ZNF19: variants seen among roughly 807,000 people sequenced by gnomAD.
ZNF19 encodes the protein zinc finger protein 19 (KOX 12).
In ZNF19, 11 loss-of-function variants were observed where a neutral mutation model predicts 13.1. That is an observed-to-expected ratio of 0.84 (90% CI 0.53 to 1.39). The LOEUF is 1.39. Ranked by LOEUF, ZNF19 falls within the 40% of genes most tolerant of loss-of-function variation. ZNF19 has a pLI of 0.00. For missense variants in ZNF19, 560 were observed against 547.0 expected (o/e 1.02, Z -0.24); for synonymous variants, 186 against 187.0 (o/e 0.99, Z 0.04).
Position 71,476,069 on chromosome 16 carries a change from G to C in ZNF19, c.478C>G (p.Pro160Ala). Residue 160 changes from proline to alanine, a missense_variant, in exon 6 of 6, where the codon CCT (proline) becomes GCT (alanine). Transcript: ENST00000288177. ...KVPRIPCARK[P>A]FICEECGKSF... ...TTCCCACACTCCTCACATATGAAAG[G>C]TTTCCTTGCACAGGGGATTCTTGGA... 6.2e-7 allele frequency: 1 copy of C among 1,614,150 alleles called. No individual in the cohort carries two copies. Among genetic ancestry groups the C allele is most frequent in the South Asian group, 1.1e-5 (1 of 91,068 alleles).
At chr16:71,477,000 G>C (rs768767963) in intron 5 of ZNF19, among the ~76,000 whole-genome samples, 1 of 152,208 alleles carries the variant, frequency 6.6e-6, no homozygotes, top group Non-Finnish European at 1.5e-5. Flanking sequence ...CCCAGACTGA[G>C]AGTATTCTTT....
chr16:71,475,641 C>T lies in ZNF19; in HGVS notation c.906G>A (p.Glu302=), dbSNP rs1164559200. 1 of 1,614,170 alleles carries T rather than the reference C, an allele frequency of 6.2e-7. No individual in the cohort carries two copies. The change falls in exon 6 of 6, where the codon GAG becomes GAA. Residue 302 remains glutamate (E), a synonymous_variant. Coordinates refer to ENST00000288177, the MANE Select transcript of ZNF19 (RefSeq NM_006961.4). The part of the protein sequence containing the change: ...QKIHTGEKPY[E]CNECGKSFGR... The stretch of plus-strand genomic sequence containing the variant: ...CAAAGCTTTTGCCACACTCATTACA[C>T]TCATAGGGTTTCTCTCCAGTGTGGA...
At position 71,475,536 on chromosome 16, in the gene ZNF19, G is replaced by C. The variant is rs758531302; in HGVS notation, c.1011C>G (p.Ala337=). The change falls in exon 6 of 6, where the codon GCC becomes GCG. Residue 337 remains alanine, a synonymous_variant. Coordinates refer to ENST00000288177, the MANE Select transcript of ZNF19 (RefSeq NM_006961.4). ...KPYSCKVCGQ[A]FNFHTKLTRH... is the part of the protein sequence containing the mutation. ...GAGTTAGTTTTGTATGAAAATTGAAGGCTTGTCCACATACTTTACAAGAAT... is the reference window on the plus strand; with the variant it reads ...GAGTTAGTTTTGTATGAAAATTGAACGCTTGTCCACATACTTTACAAGAAT... 9 of 1,614,158 alleles carry C rather than the reference G, an allele frequency of 5.6e-6. No homozygotes were observed. Among genetic ancestry groups the C allele is most frequent in the Non-Finnish European group, 7.6e-6 (9 of 1,180,018 alleles).
At chr16:71,487,121 C>T (rs1253052736) in intron 1 of ZNF19, 1 of 152,096 alleles carries the variant, frequency 6.6e-6, no homozygotes, top group African/African-American at 2.4e-5. Flanking sequence ...GAAATGTATA[C>T]TTGATATGTT....
At chr16:71,484,091 A>T (rs1176502769) in intron 2 of ZNF19, among the ~76,000 whole-genome samples, 2 of 152,256 alleles carry the variant, frequency 1.3e-5, no homozygotes, top group African/African-American at 4.8e-5. Context: ...GGACAAAGCC[A>T]CACTTTGTGC....
chr16:71,478,026 G>T, intron 5 of ZNF19: 1 of 532,484 alleles, frequency 1.9e-6, no homozygotes, highest in Non-Finnish European at 3.4e-6. Flanking sequence ...ACTCAGAAAG[G>T]AACAATGGAT....
At chr16:71,483,869 C>T (rs2043655161) in intron 2 of ZNF19, among the ~76,000 whole-genome samples, 1 of 152,212 alleles carries the variant, frequency 6.6e-6, no homozygotes, top group African/African-American at 2.4e-5. Flanking sequence ...AAGATTCTCT[C>T]AAATAACTTT....
Position 71,474,510 on chromosome 16 carries a change from T to G in ZNF19, c.*660A>C, listed in dbSNP as rs1260237279. The G allele has an allele frequency of 6.6e-6, 1 of 152,282 alleles. No individual in the cohort carries two copies. Among genetic ancestry groups the G allele is most frequent in the Non-Finnish European group, 1.5e-5 (1 of 68,070 alleles). 9.4% of individuals were successfully genotyped at this position (152,282 alleles called of 1,614,324 possible). On this transcript the variant is annotated 3_prime_UTR_variant, in exon 6 of 6. Transcript: ENST00000288177. ...AGCTCAAGTTGTTAGAACTTCTATC[T>G]ACTAGTGGTGTCTGATATAACCTGG...
chr16:71,486,159 A>G (rs2043676436), intron 1 of ZNF19, among the ~76,000 whole-genome samples: 1 of 150,240 alleles, frequency 6.7e-6, no homozygotes, highest in Non-Finnish European at 1.5e-5. Flanking sequence ...CCTGGGCAAC[A>G]TGACAAAACC....
chr16:71,478,632 T>A, intron 4 of ZNF19: 1 of 638,894 alleles, frequency 1.6e-6, no homozygotes, highest in Non-Finnish European at 2.8e-6. Flanking sequence ...CAGAGCCTCT[T>A]GGAAGATGGA....
chr16:71,483,117 T>C (rs1300315143), intron 2 of ZNF19, among the ~76,000 whole-genome samples: 2 of 152,238 alleles, frequency 1.3e-5, no homozygotes, highest in East Asian at 3.9e-4. Flanking sequence ...CCAAGAAAAC[T>C]CAGGAAAAAA....
In ZNF19 at chr16:71,484,609, G is replaced by T. The variant is rs1567571241; in HGVS notation, c.-50C>A. The T allele has an allele frequency of 1.0e-6, 1 of 985,448 alleles. No individual in the cohort carries two copies. The highest frequency in any genetic ancestry group is 1.2e-6 in the Non-Finnish European group (1 of 829,976). The allele number at this position is 985,448 out of a possible 1,614,324, so 61.0% of individuals were successfully genotyped here. ...CTCACCTCAGGAAAAACAGAAAGCG[G>T]TGCGTGAACGGAAGTGCGTCACTAC... is the stretch of plus-strand genomic sequence containing the variant. On this transcript the variant is annotated 5_prime_UTR_variant, in exon 2 of 6. Coordinates refer to ENST00000288177, the MANE Select transcript of ZNF19 (RefSeq NM_006961.4).
At chr16:71,481,782 G>C (rs2043638400) in intron 3 of ZNF19, among the ~76,000 whole-genome samples, 1 of 152,104 alleles carries the variant, frequency 6.6e-6, no homozygotes, top group South Asian at 2.1e-4. Flanking sequence ...TACATCACCA[G>C]CCTGAGTCCC....
Position 71,475,149 on chromosome 16 carries a change from A to G in ZNF19, c.*21T>C. ...GAGTAGAAGACGGAATCCACTCAGT[A>G]CATTTCACTGGAGTGTACTATTACC... On this transcript the variant is annotated 3_prime_UTR_variant, in exon 6 of 6. Transcript: ENST00000288177. 6.5e-7 allele frequency: 1 copy of G among 1,548,046 alleles called. No homozygotes were observed. The highest frequency in any genetic ancestry group is 8.7e-7 in the Non-Finnish European group (1 of 1,145,726).
intron 1 of ZNF19, among the ~76,000 whole-genome samples, chr16:71,487,977 T>C (rs1469205100): frequency 1.3e-5 from 2 of 152,142 alleles, no homozygotes; most frequent in South Asian, 2.1e-4. Context: ...CCCTCCAAGA[T>C]TGGGAACATG....
At position 71,475,972 on chromosome 16, in the gene ZNF19, C is replaced by T. The variant is rs2043599792; in HGVS notation, c.575G>A (p.Ser192Asn). 1.9e-6 allele frequency: 3 copies of T among 1,612,888 alleles called. No individual in the cohort carries two copies. The highest frequency in any genetic ancestry group is 2.2e-5 in the East Asian group (1 of 44,800). ...ACCATTAAAGGCTTTTCCACACTCA[C>T]TACACTCAAAAGGTTTCTCCCCAGT... ...IHTGEKPFEC[S>N]ECGKAFNGNS... is the part of the protein sequence containing the mutation. The change falls in exon 6 of 6, where the codon AGT (serine) becomes AAT (asparagine). Residue 192 changes from serine (S) to asparagine (N), a missense_variant. Transcript: ENST00000288177.
At chr16:71,486,197 AAAT>A (rs2043676961) in intron 1 of ZNF19, among the ~76,000 whole-genome samples, 1 of 148,764 alleles carries the variant, frequency 6.7e-6, no homozygotes, top group Admixed American at 6.7e-5. Context: ...AAAAAAAAAA[AAAT>A]TCCAAAAAGG....
intron 2 of ZNF19, 106 bp from the exon 3 acceptor site, chr16:71,482,249 T>TG: frequency 1.0e-6 from 1 of 980,494 alleles, no homozygotes; most frequent in Non-Finnish European, 1.6e-6. Flanking sequence ...TACTAAATGC[T>TG]CACTGGGTTA....
chr16:71,479,119 G>A (rs2043621498), intron 3 of ZNF19, 114 bp from the exon 4 acceptor site: 2 of 1,452,704 alleles, frequency 1.4e-6, no homozygotes, highest in Non-Finnish European at 9.6e-7. Context: ...GATAGGTAAT[G>A]AGAAAATGTG....
Sources: allele counts gnomAD v4.1 joint callset (sites outside exome capture counted in the v4.1 genomes callset), GRCh38; gene constraint gnomAD v4.1.1; transcripts MANE v1.5; gene names NCBI Gene and HGNC (gene_info 2026-07-23, HGNC 2026-07-21).